Variants in MAPK8IP2 observed in about 807,000 individuals in gnomAD.
MAPK8IP2 encodes the protein mitogen-activated protein kinase 8 interacting protein 2, also known as C-Jun-amino-terminal kinase-interacting protein 2.
Under a neutral mutation model 75.6 loss-of-function variants are expected in MAPK8IP2, and 15 were observed. The observed-to-expected ratio is 0.20, with a 90% CI of 0.13 to 0.31. MAPK8IP2 has a LOEUF of 0.31. MAPK8IP2 is among the 10% of genes least tolerant of loss of function. MAPK8IP2 has a pLI of 1.00. For synonymous variants in MAPK8IP2, 632 were observed against 554.5 expected (o/e 1.14, Z -1.96); for missense variants, 1,089 against 1,211.2 (o/e 0.90, Z 1.50).
In MAPK8IP2 at chr22:50,604,922, C is replaced by G. The variant is rs373454951; in HGVS notation, c.1623C>G (p.Gly541=). 1.9e-6 allele frequency: 3 copies of G among 1,605,780 alleles called. No individual in the cohort carries two copies. Among genetic ancestry groups the G allele is most frequent in the Non-Finnish European group, 2.6e-6 (3 of 1,176,290 alleles). ...GCCACGACAGCGAAGAGGACAGCGG[C>G]GGGGAGGCCAGCGAGGAGGAGGCGG... ...GLGHDSEEDS[G]GEASEEEAGA... The change falls in exon 5 of 12, where the codon GGC becomes GGG. Residue 541 remains glycine (G), a synonymous_variant. Transcript: ENST00000329492.
At position 50,605,926 on chromosome 22, in the gene MAPK8IP2, A is replaced by T; in HGVS notation, c.2116A>T (p.Met706Leu). 1 of 1,573,920 alleles carries T rather than the reference A, an allele frequency of 6.4e-7. No homozygotes were observed. The highest frequency in any genetic ancestry group is 8.6e-7 in the Non-Finnish European group (1 of 1,162,268). Residue 706 changes from methionine to leucine, a missense_variant, in exon 8 of 12, where the codon ATG (methionine) becomes TTG (leucine). Physicochemically the swap from Met to Leu is conservative, Grantham distance 15 (BLOSUM62 2). Transcript: ENST00000329492. ...GGGCAACGGCATCCTGTGTGCAGCCATGCAGAAGGTCAGTGTGGAGGCCGG... is the reference window on the plus strand; with the variant it reads ...GGGCAACGGCATCCTGTGTGCAGCCTTGCAGAAGGTCAGTGTGGAGGCCGG... ...HQGNGILCAA[M>L]QKIATARKLT...
At position 50,607,953 on chromosome 22, in the gene MAPK8IP2, C is replaced by A. The variant is rs1393789124; in HGVS notation, c.2303+962C>A. ...GCACAGGCCCCTGCCCTCTGTGTCC[C>A]AGCACCCTAGAGGAAGGAGATCTGG... is the stretch of plus-strand genomic sequence containing the variant. On this transcript the variant is annotated intron_variant, in intron 10 of 11. Coordinates refer to ENST00000329492, the MANE Select transcript of MAPK8IP2 (RefSeq NM_012324.6). This position sits in a 1 kb window ranked among gnomAD's most constrained non-coding sequence, Gnocchi z 5.6. Among the ~76,000 whole-genome samples the A allele has an allele frequency of 6.6e-6, 1 of 152,148 alleles. No individual in the cohort carries two copies. The highest frequency in any genetic ancestry group is 1.5e-5 in the Non-Finnish European group (1 of 68,002).
Position 50,603,415 on chromosome 22 carries a change from G to T in MAPK8IP2, c.364G>T (p.Gly122Trp). Reference protein sequence around the residue: ...GDPGSEAPAPGPLIPSPSVEE... With the variant: ...GDPGSEAPAPWPLIPSPSVEE... ...CCCTGGCTCAGAGGCACCTGCCCCC[G>T]GGCCCCTTATCCCCTCCCCTTCCGT... The change falls in exon 3 of 12, where the codon GGG becomes TGG. Residue 122 changes from glycine to tryptophan, a missense_variant. Physicochemically the swap from Gly to Trp is radical, Grantham distance 184. Transcript: ENST00000329492. 1 of 1,564,094 alleles carries T rather than the reference G, an allele frequency of 6.4e-7. No individual in the cohort carries two copies. Among genetic ancestry groups the T allele is most frequent in the Non-Finnish European group, 8.7e-7 (1 of 1,154,462 alleles).
chr22:50,604,466 G>A lies in MAPK8IP2; in HGVS notation c.1167G>A (p.Gly389=), dbSNP rs2071005659. ...GGGAGCCCGTGTCGCCGGCCGGCGG[G>A]GCCGCCCAGGACTCCCAGGACCCCG... The part of the protein sequence containing the change: ...PPGEPVSPAG[G]AAQDSQDPEA... The change falls in exon 5 of 12, where the codon GGG becomes GGA. Residue 389 remains glycine (G), a synonymous_variant. Coordinates refer to ENST00000329492, the MANE Select transcript of MAPK8IP2 (RefSeq NM_012324.6). 2 of 1,370,788 alleles carry A rather than the reference G, an allele frequency of 1.5e-6. No homozygotes were observed. Among genetic ancestry groups the A allele is most frequent in the Non-Finnish European group, 1.9e-6 (2 of 1,067,572 alleles). 84.9% of individuals were successfully genotyped at this position (1,370,788 alleles called of 1,614,324 possible).
At chr22:50,602,235 C>T (rs1357813848) in intron 2 of MAPK8IP2, among the ~76,000 whole-genome samples, 3 of 152,228 alleles carry the variant, frequency 2.0e-5, no homozygotes, top group South Asian at 4.1e-4. Flanking sequence ...AACCTTGTCC[C>T]CTCTGCAGCC....
In MAPK8IP2 at chr22:50,610,208, G is replaced by A. The variant is rs370405061; in HGVS notation, c.2304-4G>A. 28 of 1,597,378 alleles carry A rather than the reference G, an allele frequency of 1.8e-5. No individual in the cohort carries two copies. In the African/African-American group the frequency reaches 1.9e-4, roughly 11 times the overall value. On this transcript the variant is annotated splice_polypyrimidine_tract_variant and splice_region_variant and intron_variant, in intron 10 of 11. Transcript: ENST00000329492. This position sits in a 1 kb window ranked among gnomAD's most constrained non-coding sequence, Gnocchi z 4.3. ...ACGTGCCCTCCACACTGACTTGCCC[G>A]CAGCTATTTCGGCTTCATCACCAAA... is the stretch of plus-strand genomic sequence containing the variant.
intron 5 of MAPK8IP2, 85 bp from the exon 6 acceptor site, chr22:50,605,283 G>A: frequency 7.4e-7 from 1 of 1,344,732 alleles, no homozygotes; most frequent in Non-Finnish European, 1.0e-6. Flanking sequence ...GAGGGGACTT[G>A]GCCTCTGCCC....
At position 50,611,476 on chromosome 22, in the gene MAPK8IP2, T is replaced by G. The variant is rs1206953521; in HGVS notation, c.*697T>G. The G allele has an allele frequency of 3.9e-5, 6 of 152,256 alleles. No individual in the cohort carries two copies. The highest frequency in any genetic ancestry group is 1.3e-4 in the Admixed American group (2 of 15,288). The allele number at this position is 152,256 out of a possible 1,614,324, so 9.4% of individuals were successfully genotyped here. A position where few individuals can be genotyped will look rare whatever the true frequency, so the allele number is the denominator to read the frequency against. ...GCGCACCCCTGCAGTCCAGCGTGCA[T>G]CCACCCCACGCACGCCCCGTGCTGT... is the stretch of plus-strand genomic sequence containing the variant. On this transcript the variant is annotated 3_prime_UTR_variant, in exon 12 of 12. Coordinates refer to ENST00000329492, the MANE Select transcript of MAPK8IP2 (RefSeq NM_012324.6). This position sits in a 1 kb window ranked among gnomAD's most constrained non-coding sequence, Gnocchi z 5.5.
rs778004820 is a variant in MAPK8IP2 at position 50,605,449 on chromosome 22, GCCTC to G, written c.1841+12_1841+15del. On this transcript the variant is annotated splice_region_variant and intron_variant, in intron 6 of 11. Coordinates refer to ENST00000329492, the MANE Select transcript of MAPK8IP2 (RefSeq NM_012324.6). ...ACTCACCGGGCTGTGTTCAGGTACG[GCCTC>G]CCTCCTTGCTGGCGGTGGCCCCAGC... 158 of 1,613,398 alleles carry G rather than the reference GCCTC, an allele frequency of 9.8e-5. No individual in the cohort carries two copies. The highest frequency in any genetic ancestry group is 3.5e-4 in the Admixed American group (21 of 59,992).
At position 50,604,411 on chromosome 22, in the gene MAPK8IP2, A is replaced by C; in HGVS notation, c.1112A>C (p.Gln371Pro). Residue 371 changes from glutamine to proline, a missense_variant, in exon 5 of 12, where the codon CAG becomes CCG. Around this residue, in one of 2 missense-constraint regions of MAPK8IP2, gnomAD observed 960 missense variants for 1,009.6 expected, o/e 0.95. Transcript: ENST00000329492. ...TCCTCGCCCATCCGCTGCCCCGGCC[A>C]GTGCCTGTCTCCTGCGCCGCGCCCG... ...EGSSPIRCPG[Q>P]CLSPAPRPPG... 1.3e-6 allele frequency: 2 copies of C among 1,508,822 alleles called. No homozygotes were observed. Among genetic ancestry groups the C allele is most frequent in the African/African-American group, 1.4e-5 (1 of 69,794 alleles). 93.5% of individuals were successfully genotyped at this position (1,508,822 alleles called of 1,614,324 possible).
Position 50,600,874 on chromosome 22 carries a change from C to G in MAPK8IP2, c.56C>G (p.Pro19Arg). 1.6e-6 allele frequency: 2 copies of G among 1,279,650 alleles called. No homozygotes were observed. The highest frequency in any genetic ancestry group is 2.0e-6 in the Non-Finnish European group (2 of 984,912). 79.3% of individuals were successfully genotyped at this position (1,279,650 alleles called of 1,614,324 possible). A position where few individuals can be genotyped will look rare whatever the true frequency, so the allele number is the denominator to read the frequency against. Residue 19 changes from proline (P) to arginine (R), a missense_variant, in exon 1 of 12, where the codon CCG becomes CGG. Transcript: ENST00000329492. ...SLSTFHSLSP[P>R]GCRPPQDISL... ...TCCACCTTCCACTCGCTGTCGCCGC[C>G]GGGCTGCAGGTACCCCCCTCGGCGC...
Position 50,604,054 on chromosome 22 carries a change from C to T in MAPK8IP2, c.755C>T (p.Pro252Leu). ...CGCAGCAGCCAGGAGCTGTCCTCGC[C>T]CGGCTCCGACTCGGAGGACGCGGGC... ...GRRSSQELSSPGSDSEDAGGA... is the reference protein window; with the variant it reads ...GRRSSQELSSLGSDSEDAGGA... Residue 252 changes from proline to leucine, a missense_variant, in exon 5 of 12, where the codon CCC becomes CTC. Transcript: ENST00000329492. 6.5e-7 allele frequency: 1 copy of T among 1,543,430 alleles called. No individual in the cohort carries two copies. Among genetic ancestry groups the T allele is most frequent in the Non-Finnish European group, 8.7e-7 (1 of 1,152,746 alleles).
Position 50,603,852 on chromosome 22 carries a change from C to T in MAPK8IP2, c.553C>T (p.Pro185Ser). ...APEALRELPG[P>S]LPATDTGPGG... ...TCCCTGCCCAGCAGAGCTCCCGGGCCCCCTCCCTGCCACGGACACCGGGCC... is the reference window on the plus strand; with the variant it reads ...TCCCTGCCCAGCAGAGCTCCCGGGCTCCCTCCCTGCCACGGACACCGGGCC... Residue 185 changes from proline to serine, a missense_variant, in exon 5 of 12, where the codon CCC becomes TCC. Transcript: ENST00000329492. 6.5e-7 allele frequency: 1 copy of T among 1,529,908 alleles called. No individual in the cohort carries two copies. Among genetic ancestry groups the T allele is most frequent in the South Asian group, 1.2e-5 (1 of 82,132 alleles). The allele number at this position is 1,529,908 out of a possible 1,614,324, so 94.8% of individuals were successfully genotyped here. A position where few individuals can be genotyped will look rare whatever the true frequency, so the allele number is the denominator to read the frequency against.
chr22:50,604,457 G>C lies in MAPK8IP2; in HGVS notation c.1158G>C (p.Pro386=), dbSNP rs553840616. 1,710 of 1,375,450 alleles carry C rather than the reference G, an allele frequency of 1.2e-3. 18 individuals are homozygous for C. The African/African-American group carries it at 0.023, about 19-fold the overall frequency. 85.2% of individuals were successfully genotyped at this position (1,375,450 alleles called of 1,614,324 possible). A position where few individuals can be genotyped will look rare whatever the true frequency, so the allele number is the denominator to read the frequency against. The stretch of plus-strand genomic sequence containing the variant: ...GCCCGCCCGGGGAGCCCGTGTCGCC[G>C]GCCGGCGGGGCCGCCCAGGACTCCC... ...APRPPGEPVS[P]AGGAAQDSQD... is the part of the protein sequence containing the mutation. Residue 386 remains proline, a synonymous_variant, in exon 5 of 12, where the codon CCG becomes CCC. Coordinates refer to ENST00000329492, the MANE Select transcript of MAPK8IP2 (RefSeq NM_012324.6).
chr22:50,606,379 G>GGCC (rs566799282), intron 8 of MAPK8IP2, among the ~76,000 whole-genome samples: 1 of 145,242 alleles, frequency 6.9e-6, no homozygotes, highest in Non-Finnish European at 1.5e-5. Context: ...CAGGGCGGGT[G>GGCC]AGGTCTCTGT....
intron 10 of MAPK8IP2, among the ~76,000 whole-genome samples, chr22:50,608,790 G>A (rs5770938): frequency 0.78 from 100,269 of 128,752 alleles, 39,167 homozygotes; most frequent in East Asian, 0.97. Context: ...CAGACCAGAC[G>A]GTGGGGCCAG....
chr22:50,610,976 C>T lies in MAPK8IP2; in HGVS notation c.*197C>T. Reference sequence around the variant, plus strand: ...GTTGGGGCTGCGGGGGAGTGGAGCCCCCGTGCCCCTGCTTTTCCTCAGATC... The same window carrying T: ...GTTGGGGCTGCGGGGGAGTGGAGCCTCCGTGCCCCTGCTTTTCCTCAGATC... On this transcript the variant is annotated 3_prime_UTR_variant, in exon 12 of 12. Coordinates refer to ENST00000329492, the MANE Select transcript of MAPK8IP2 (RefSeq NM_012324.6). The surrounding 1 kb of genome is among the most constrained non-coding windows in gnomAD (Gnocchi z 4.3). 1 of 552,808 alleles carries T rather than the reference C, an allele frequency of 1.8e-6. No homozygotes were observed. The highest frequency in any genetic ancestry group is 2.3e-5 in the South Asian group (1 of 43,090). 34.2% of individuals were successfully genotyped at this position (552,808 alleles called of 1,614,324 possible). A position where few individuals can be genotyped will look rare whatever the true frequency, so the allele number is the denominator to read the frequency against.
Position 50,610,045 on chromosome 22 carries a change from A to C in MAPK8IP2, c.2304-167A>C, listed in dbSNP as rs902287842. The C allele has an allele frequency of 6.9e-6, 5 of 725,968 alleles. No homozygotes were observed. In the African/African-American group the frequency reaches 8.6e-5, roughly 13 times the overall value. The allele number at this position is 725,968 out of a possible 1,614,324, so 45.0% of individuals were successfully genotyped here. A position where few individuals can be genotyped will look rare whatever the true frequency, so the allele number is the denominator to read the frequency against. On this transcript the variant is annotated intron_variant, in intron 10 of 11. Transcript: ENST00000329492. The surrounding 1 kb of genome is among the most constrained non-coding windows in gnomAD (Gnocchi z 4.3). ...GTGCCCAGCCCTGTGCTTGGGCTGA[A>C]ACCAAAAAAAGACAACTTCAGATCT...
At chr22:50,603,155 C>T in intron 2 of MAPK8IP2, 68 bp from the exon 3 acceptor site, 1 of 1,609,742 alleles carries the variant, frequency 6.2e-7, no homozygotes, top group Non-Finnish European at 8.5e-7. Context: ...TTCCCTTCTC[C>T]TAGCACCTGG....
Sources: allele counts gnomAD v4.1 joint callset (sites outside exome capture counted in the v4.1 genomes callset), GRCh38; gene constraint gnomAD v4.1.1; regional missense constraint gnomAD v4.1.1; non-coding constraint Gnocchi (gnomAD v3.1); transcripts MANE v1.5; gene names NCBI Gene and HGNC (gene_info 2026-07-23, HGNC 2026-07-21).